Variants in ITGB3BP observed in about 807,000 individuals in gnomAD.
The protein encoded by ITGB3BP is centromere protein R.
Under a neutral mutation model 29.1 loss-of-function variants are expected in ITGB3BP, and 27 were observed. The observed-to-expected ratio is 0.93, with a 90% CI of 0.68 to 1.28. ITGB3BP has a LOEUF of 1.28. Among genes scored for constraint, ITGB3BP ranks in the 50% most tolerant of loss-of-function variants. The probability of loss-of-function intolerance (pLI) is 0.00; values close to 1 mark genes in which losing one functional copy is unlikely to be tolerated. For missense variants in ITGB3BP, 192 were observed against 200.2 expected (o/e 0.96, Z 0.25); for synonymous variants, 61 against 61.4 (o/e 0.99, Z 0.03).
At chr1:63,451,587 G>A (rs375851434) in intron 7 of ITGB3BP, 24 of 151,950 alleles carry the variant, frequency 1.6e-4, no homozygotes, top group Admixed American at 6.6e-5. Context: ...TTGCATGTGT[G>A]TGCACATTTG....
chr1:63,478,735 A>G lies in ITGB3BP; in HGVS notation c.254+29T>C, dbSNP rs377125827. On this transcript the variant is annotated intron_variant, in intron 4 of 8. Coordinates refer to ENST00000271002, the MANE Select transcript of ITGB3BP (RefSeq NM_014288.5). The stretch of plus-strand genomic sequence containing the variant: ...ATGAACGTCTTTCTGCAAGATACAC[A>G]TATATAATTTCAAAAATAACAAACT... The G allele has an allele frequency of 1.3e-5, 13 of 1,035,712 alleles. No individual in the cohort carries two copies. In the African/African-American group the frequency reaches 2.0e-4, roughly 16 times the overall value. The allele number at this position is 1,035,712 out of a possible 1,614,324, so 64.2% of individuals were successfully genotyped here.
chr1:63,460,761 C>T (rs543392550), intron 4 of ITGB3BP, among the ~76,000 whole-genome samples: 9 of 152,110 alleles, frequency 5.9e-5, no homozygotes, highest in Non-Finnish European at 8.8e-5. Flanking sequence ...GTTTTAATTT[C>T]TCTATATCCT....
intron 1 of ITGB3BP, among the ~76,000 whole-genome samples, chr1:63,510,485 T>C (rs879562394): frequency 1.3e-5 from 2 of 152,236 alleles, no homozygotes; most frequent in Admixed American, 1.3e-4. Flanking sequence ...TAAAATAGGC[T>C]GTCATCTCCC....
At chr1:63,476,426 C>T (rs1357538888) in intron 4 of ITGB3BP, among the ~76,000 whole-genome samples, 3 of 152,146 alleles carry the variant, frequency 2.0e-5, no homozygotes, top group Non-Finnish European at 2.9e-5. Flanking sequence ...CTAATTATAA[C>T]ACCAATTCAT....
Position 63,523,211 on chromosome 1 carries a change from G to C in ITGB3BP, c.-78C>G, listed in dbSNP as rs1646504391. On this transcript the variant is annotated 5_prime_UTR_variant, in exon 1 of 9. Transcript: ENST00000271002. ...TCCGAAAACAGAAAATCCGCCAAAG[G>C]AAACGCCAAGGCATGAAAAGCGCGC... 2 of 1,600,130 alleles carry C rather than the reference G, an allele frequency of 1.2e-6. No individual in the cohort carries two copies. The highest frequency in any genetic ancestry group is 3.3e-5 in the Admixed American group (2 of 59,870).
At chr1:63,444,672 T>A (rs1222233136) in intron 8 of ITGB3BP, among the ~76,000 whole-genome samples, 1 of 144,772 alleles carries the variant, frequency 6.9e-6, no homozygotes, top group African/African-American at 2.5e-5. Flanking sequence ...ATATATCTCC[T>A]ATTACATATA....
At chr1:63,506,951 T>C (rs959516242) in intron 2 of ITGB3BP, among the ~76,000 whole-genome samples, 12 of 152,190 alleles carry the variant, frequency 7.9e-5, no homozygotes, top group African/African-American at 2.9e-4. Flanking sequence ...CATGTGAGTA[T>C]ATAATTGGGA....
intron 2 of ITGB3BP, among the ~76,000 whole-genome samples, chr1:63,491,676 A>T (rs959242509): frequency 4.6e-5 from 7 of 152,216 alleles, no homozygotes; most frequent in South Asian, 2.1e-4. Flanking sequence ...TTCAAAAAAA[A>T]TTTTTTTACA....
intron 1 of ITGB3BP, among the ~76,000 whole-genome samples, chr1:63,520,662 C>T (rs1049479960): frequency 1.4e-4 from 22 of 152,102 alleles, no homozygotes; most frequent in Non-Finnish European, 2.5e-4. Flanking sequence ...AAAATGTAAG[C>T]TGTGCAAGTT....
At chr1:63,482,200 G>C (rs1645449359) in intron 3 of ITGB3BP, among the ~76,000 whole-genome samples, 2 of 144,554 alleles carry the variant, frequency 1.4e-5, no homozygotes, top group South Asian at 4.4e-4. Context: ...TTGAACCTGG[G>C]AGGCAGAGGT....
chr1:63,470,333 G>C (rs774469991), intron 4 of ITGB3BP, among the ~76,000 whole-genome samples: 11 of 152,166 alleles, frequency 7.2e-5, no homozygotes, highest in Non-Finnish European at 1.3e-4. Flanking sequence ...GAGTTTGGGA[G>C]TCTATTAGTA....
intron 2 of ITGB3BP, among the ~76,000 whole-genome samples, chr1:63,496,230 C>T (rs967641257): frequency 3.3e-5 from 5 of 151,796 alleles, no homozygotes; most frequent in African/African-American, 7.3e-5. Context: ...GTAATTGGGA[C>T]GACAGGTGCG....
chr1:63,441,411 T>C (rs2100455740), intron 8 of ITGB3BP, among the ~76,000 whole-genome samples: 1 of 151,762 alleles, frequency 6.6e-6, no homozygotes, highest in South Asian at 2.1e-4. Context: ...CTAATTTTTG[T>C]ATTTTTAGTA....
upstream of ITGB3BP, among the ~76,000 whole-genome samples, chr1:63,524,453 A>G (rs796615778): frequency 8.9e-4 from 135 of 152,356 alleles, no homozygotes; most frequent in African/African-American, 3.2e-3. Context: ...AGCAATTATT[A>G]TCTTTCTTTC....
At chr1:63,462,184 A>C (rs574413811) in intron 4 of ITGB3BP, among the ~76,000 whole-genome samples, 1 of 152,286 alleles carries the variant, frequency 6.6e-6, no homozygotes, top group East Asian at 1.9e-4. Context: ...CTAGTGTACA[A>C]GTTTTTTACC....
intron 1 of ITGB3BP, among the ~76,000 whole-genome samples, chr1:63,515,948 C>A (rs537180908): frequency 2.0e-3 from 307 of 151,150 alleles, no homozygotes; most frequent in African/African-American, 7.2e-3. Flanking sequence ...TTTATTGTAG[C>A]ACTATTCACA....
At chr1:63,505,657 A>G (rs1021038677) in intron 2 of ITGB3BP, among the ~76,000 whole-genome samples, 4 of 152,106 alleles carry the variant, frequency 2.6e-5, no homozygotes, top group African/African-American at 9.7e-5. Flanking sequence ...ATTTAGTGCT[A>G]TAAATTTCCC....
chr1:63,513,571 C>T (rs751780325), intron 1 of ITGB3BP, among the ~76,000 whole-genome samples: 1 of 152,142 alleles, frequency 6.6e-6, no homozygotes, highest in Non-Finnish European at 1.5e-5. Flanking sequence ...TTCACTGTTA[C>T]TTACGTCATC....
At chr1:63,448,434 G>A (rs1000075589) in intron 7 of ITGB3BP, among the ~76,000 whole-genome samples, 1 of 151,958 alleles carries the variant, frequency 6.6e-6, no homozygotes, top group Non-Finnish European at 1.5e-5. Flanking sequence ...GGTGTGAATA[G>A]TATGAATAAA....
Sources: allele counts gnomAD v4.1 joint callset (sites outside exome capture counted in the v4.1 genomes callset), GRCh38; gene constraint gnomAD v4.1.1; transcripts MANE v1.5; gene names NCBI Gene and HGNC (gene_info 2026-07-23, HGNC 2026-07-21).